BAHCC1: variants seen among roughly 807,000 people sequenced by gnomAD.
BAHCC1 encodes BAH and coiled-coil domain-containing protein 1.
In BAHCC1, 43 loss-of-function variants were observed where a neutral mutation model predicts 88.2. The observed-to-expected ratio is 0.49, with a 90% confidence interval of 0.38 to 0.63. The LOEUF (loss-of-function observed/expected upper bound fraction) is 0.63. Ranked by LOEUF, BAHCC1 falls within the 20% of genes least tolerant of loss-of-function variation. The pLI, the probability that BAHCC1 is intolerant of heterozygous loss-of-function variation, is 0.00. For synonymous variants in BAHCC1, 1,510 were observed against 745.5 expected (o/e 2.03, Z -16.71); for missense variants, 3,023 against 1,654.8 (o/e 1.83, Z -14.34).
chr17:81,447,385 C>G lies in BAHCC1; in HGVS notation c.3513C>G (p.Thr1171=), dbSNP rs782224953. 6.8e-6 allele frequency: 5 copies of G among 737,202 alleles called. No individual in the cohort carries two copies. The highest frequency in any genetic ancestry group is 1.3e-5 in the Non-Finnish European group (5 of 397,026). The allele number at this position is 737,202 out of a possible 1,614,324, so 45.7% of individuals were successfully genotyped here. A position where few individuals can be genotyped will look rare whatever the true frequency, so the allele number is the denominator to read the frequency against. The stretch of plus-strand genomic sequence containing the variant: ...TGGAGGCAGGGGGCCCCGAGGCCAC[C>G]GGCCAGGCTCATTCTACTCAGGGAG... ...ALLEAGGPEA[T]GQAHSTQGGA... The change falls in exon 11 of 28, where the codon ACC becomes ACG. Residue 1171 remains threonine, a synonymous_variant. Transcript: ENST00000675386.
intron 23 of BAHCC1, among the ~76,000 whole-genome samples, chr17:81,459,965 A>G (rs2030098546): frequency 6.6e-6 from 1 of 152,162 alleles, no homozygotes; most frequent in South Asian, 2.1e-4. Context: ...TCCCACAGGC[A>G]AGTGGCCAGG....
rs1598479859 is a variant in BAHCC1, at chr17:81,434,750, G to A, written c.359-3620G>A. On this transcript the variant is annotated intron_variant, in intron 3 of 27. Coordinates refer to ENST00000675386, the MANE Select transcript of BAHCC1 (RefSeq NM_001377448.1). This position sits in a 1 kb window ranked among gnomAD's most constrained non-coding sequence, Gnocchi z 4.9. ...GCTCCCTGGAAGGGCAGCCTGGGGG[G>A]TGGGTTGTGGCCACCTCCCCAGATC... is the stretch of plus-strand genomic sequence containing the variant. 6.6e-6 allele frequency among the ~76,000 whole-genome samples: 1 copy of A among 152,052 alleles called. No homozygotes were observed. The highest frequency in any genetic ancestry group is 1.5e-5 in the Non-Finnish European group (1 of 67,990).
chr17:81,397,015 CGCTGCGGG>C (rs1555645000), intron 1 of BAHCC1: 1 of 152,222 alleles, frequency 6.6e-6, no homozygotes, highest in African/African-American at 2.4e-5. Context: ...GCGGCGTCGC[CGCTGCGGG>C]ACTGTGGGAC....
chr17:81,437,129 C>A (rs2064347466), intron 3 of BAHCC1, among the ~76,000 whole-genome samples: 1 of 152,198 alleles, frequency 6.6e-6, no homozygotes, highest in Non-Finnish European at 1.5e-5. Flanking sequence ...AGATTCAGAG[C>A]AGGAGTTTTA....
In BAHCC1 at chr17:81,399,682, C is replaced by T; in HGVS notation, c.-58C>T. 3.0e-6 allele frequency: 3 copies of T among 984,704 alleles called. No individual in the cohort carries two copies. The highest frequency in any genetic ancestry group is 3.6e-6 in the Non-Finnish European group (3 of 829,236). The allele number at this position is 984,704 out of a possible 1,614,324, so 61.0% of individuals were successfully genotyped here. A position where few individuals can be genotyped will look rare whatever the true frequency, so the allele number is the denominator to read the frequency against. ...GCGCCGCCCGCGCGCCGAGCCGCCCCCGGGCCCCGGCCGCGCTGCTCCGAG... is the reference window on the plus strand; with the variant it reads ...GCGCCGCCCGCGCGCCGAGCCGCCCTCGGGCCCCGGCCGCGCTGCTCCGAG... On this transcript the variant is annotated 5_prime_UTR_variant, in exon 2 of 28. Coordinates refer to ENST00000675386, the MANE Select transcript of BAHCC1 (RefSeq NM_001377448.1). The surrounding 1 kb of genome is among the most constrained non-coding windows in gnomAD (Gnocchi z 4.5).
intron 3 of BAHCC1, among the ~76,000 whole-genome samples, chr17:81,433,220 C>T (rs1006479309): frequency 3.3e-5 from 5 of 152,048 alleles, no homozygotes; most frequent in East Asian, 2.0e-4. Context: ...TGTGCCGCCC[C>T]GCAACCACTC....
At chr17:81,444,351 G>A (rs373703132) in intron 6 of BAHCC1, 30 bp from the exon 7 acceptor site, 134 of 716,326 alleles carry the variant, frequency 1.9e-4, no homozygotes, top group African/African-American at 1.3e-3. Context: ...CCTTGGCGCC[G>A]GCGGCAGGGC....
At position 81,444,701 on chromosome 17, in the gene BAHCC1, C is replaced by T. The variant is rs782402043; in HGVS notation, c.2546C>T (p.Pro849Leu). The T allele has an allele frequency of 2.6e-6, 2 of 776,558 alleles. No individual in the cohort carries two copies. The highest frequency in any genetic ancestry group is 2.7e-5 in the South Asian group (2 of 74,564). The allele number at this position is 776,558 out of a possible 1,614,324, so 48.1% of individuals were successfully genotyped here. A position where few individuals can be genotyped will look rare whatever the true frequency, so the allele number is the denominator to read the frequency against. ...CACCCTGCCCTGCACCAGAACCTGC[C>T]CCCCGGCTTCCCCGCCTCCGTGGCT... ...LGHPALHQNL[P>L]PGFPASVAGP... The change falls in exon 8 of 28, where the codon CCC becomes CTC. Residue 849 changes from proline to leucine, a missense_variant. By Grantham distance (98) the Pro-to-Leu change is moderately conservative (BLOSUM62 -3). Transcript: ENST00000675386.
chr17:81,409,383 G>GC (rs2063920481), intron 2 of BAHCC1, among the ~76,000 whole-genome samples: 1 of 152,218 alleles, frequency 6.6e-6, no homozygotes, highest in South Asian at 2.1e-4. Flanking sequence ...CTGGAGCTGC[G>GC]CCGGCTGAGT....
At chr17:81,412,982 G>A (rs1318319794) in intron 2 of BAHCC1, 8 of 288,952 alleles carry the variant, frequency 2.8e-5, no homozygotes, top group East Asian at 1.5e-4. Context: ...GTGCGGGTGC[G>A]GCCTCACCTT....
intron 2 of BAHCC1, among the ~76,000 whole-genome samples, chr17:81,419,121 G>A (rs1370968245): frequency 2.0e-5 from 3 of 152,294 alleles, no homozygotes; most frequent in Non-Finnish European, 4.4e-5. Context: ...GCATGCACCT[G>A]CCTGTCTCCC....
At chr17:81,414,717 G>A (rs561443191) in intron 2 of BAHCC1, among the ~76,000 whole-genome samples, 1 of 152,342 alleles carries the variant, frequency 6.6e-6, no homozygotes, top group Admixed American at 6.5e-5. Context: ...GGGGCAGGAG[G>A]GACCGAGGTT....
rs138143224 is a variant in BAHCC1, at chr17:81,405,380, A to T, written c.178+5463A>T. Among the ~76,000 whole-genome samples the T allele has an allele frequency of 3.8e-3, 576 of 152,168 alleles. 5 individuals are homozygous for T. The highest frequency in any genetic ancestry group is 0.013 in the African/African-American group (538 of 41,498). The stretch of plus-strand genomic sequence containing the variant: ...CGTGCCCGGCCTCTGGTGTCTTTTG[A>T]GGCAGCAGATGTTTATATATAGCCA... On this transcript the variant is annotated intron_variant, in intron 2 of 27. Coordinates refer to ENST00000675386, the MANE Select transcript of BAHCC1 (RefSeq NM_001377448.1).
Position 81,461,312 on chromosome 17 carries a change from TC to T in BAHCC1, c.6654del (p.Lys2219ArgfsTer202). On this transcript the variant is annotated frameshift_variant, in exon 26 of 28. Coordinates refer to ENST00000675386, the MANE Select transcript of BAHCC1 (RefSeq NM_001377448.1). ...CAAGCTGGACCACGAGGGTGTGACC[TC>T]CCCCAAGAACAAGACCTGCAAGGCG... is the stretch of plus-strand genomic sequence containing the variant. ...LVKLDHEGVT[S>X]PKNKTCKALL... 1.4e-6 allele frequency: 1 copy of T among 718,858 alleles called. No individual in the cohort carries two copies. The highest frequency in any genetic ancestry group is 2.0e-5 in the Admixed American group (1 of 51,158). 44.5% of individuals were successfully genotyped at this position (718,858 alleles called of 1,614,324 possible).
Position 81,418,125 on chromosome 17 carries a change from C to T in BAHCC1, c.179-8675C>T, listed in dbSNP as rs549535700. On this transcript the variant is annotated intron_variant, in intron 2 of 27. Coordinates refer to ENST00000675386, the MANE Select transcript of BAHCC1 (RefSeq NM_001377448.1). ...GCAGAAGAGGCAACAGTAAGCAGGGCGGGCCCCGTGTCCACCAGGTGTGGA... is the reference window on the plus strand; with the variant it reads ...GCAGAAGAGGCAACAGTAAGCAGGGTGGGCCCCGTGTCCACCAGGTGTGGA... Among the ~76,000 whole-genome samples the T allele has an allele frequency of 3.1e-4, 47 of 152,344 alleles. No homozygotes were observed. In the East Asian group the frequency reaches 8.1e-3, roughly 26 times the overall value.
At chr17:81,440,852 C>G (rs549705377) in intron 4 of BAHCC1, among the ~76,000 whole-genome samples, 1 of 152,212 alleles carries the variant, frequency 6.6e-6, no homozygotes, top group African/African-American at 2.4e-5. Context: ...CCCCAGCAGC[C>G]TGAGACACCC....
chr17:81,454,761 C>T (rs1464829502), intron 14 of BAHCC1, among the ~76,000 whole-genome samples: 2 of 152,180 alleles, frequency 1.3e-5, no homozygotes, highest in African/African-American at 4.8e-5. Context: ...ACATGTGTGG[C>T]TGTCCCTTGT....
At chr17:81,448,124 C>CT (rs1555655076) in intron 11 of BAHCC1, among the ~76,000 whole-genome samples, 15 of 152,202 alleles carry the variant, frequency 9.9e-5, no homozygotes, top group African/African-American at 2.7e-4. Flanking sequence ...TCGGGCAGCA[C>CT]CTCCTGTTGG....
At chr17:81,403,974 G>A (rs1270526286) in intron 2 of BAHCC1, among the ~76,000 whole-genome samples, 4 of 152,256 alleles carry the variant, frequency 2.6e-5, no homozygotes, top group Non-Finnish European at 5.9e-5. Context: ...TCCAGGTCAC[G>A]TGAGTAATAA....
Sources: gnomAD v4.1 joint callset for allele counts (sites outside exome capture counted in the v4.1 genomes callset) on GRCh38, gnomAD v4.1.1 for gene constraint, Gnocchi (gnomAD v3.1) non-coding constraint, MANE v1.5 for transcripts, NCBI Gene and HGNC (gene_info 2026-07-23, HGNC 2026-07-21) for gene names.